Variants in NRXN3 observed in about 807,000 individuals in gnomAD.
NRXN3 encodes the protein neurexin III.
A neutral mutation model predicts 137.6 loss-of-function variants in NRXN3; 32 were observed. The ratio of observed to expected loss-of-function variants is 0.23; its 90% confidence interval spans 0.18 to 0.31. The LOEUF (loss-of-function observed/expected upper bound fraction) is 0.31, where lower values mean the gene tolerates loss of function less well. Ranked by LOEUF, NRXN3 falls within the 10% of genes least tolerant of loss-of-function variation. NRXN3 has a pLI of 1.00. For synonymous variants in NRXN3, 798 were observed against 784.5 expected, an observed-to-expected ratio of 1.02 and a Z score of -0.29; for missense variants, 1,574 against 2,062.5, an observed-to-expected ratio of 0.76 and a Z score of 4.59.
chr14:78,263,605 T>C (rs17827963), intron 2 of NRXN3, among the ~76,000 whole-genome samples: 26,390 of 152,176 alleles, frequency 0.17, 2,614 homozygotes, highest in Middle Eastern at 0.25. Context: ...TACTGAATTA[T>C]TTTTAACAAG....
intron 19 of NRXN3, among the ~76,000 whole-genome samples, chr14:79,792,070 A>G (rs1489872483): frequency 6.6e-6 from 1 of 152,180 alleles, no homozygotes; most frequent in African/African-American, 2.4e-5. Context: ...GGGTTTGAGG[A>G]GACACTTCCT....
chr14:78,327,363 A>G (rs139252388), intron 4 of NRXN3, among the ~76,000 whole-genome samples: 2 of 152,282 alleles, frequency 1.3e-5, no homozygotes, highest in East Asian at 3.9e-4. Context: ...AGCAAACAAC[A>G]TGAACACTGG....
rs181068119 is a variant in NRXN3 at position 79,266,717 on chromosome 14, C to T, written c.3263-200504C>T. Among the ~76,000 whole-genome samples, 523 of 152,250 alleles carry T rather than the reference C, an allele frequency of 3.4e-3. 5 individuals carry two copies. Among genetic ancestry groups the T allele is most frequent in the African/African-American group, 0.012 (503 of 41,540 alleles). On this transcript the variant is annotated intron_variant, in intron 15 of 20. Transcript: ENST00000335750. ...ACTCTGACATCCAAAGGGAAGGGAG[C>T]AACTTCTGAGATTAAGAGACCTTTG...
At chr14:78,806,193 C>T (rs2098867648) in intron 9 of NRXN3, among the ~76,000 whole-genome samples, 1 of 151,888 alleles carries the variant, frequency 6.6e-6, no homozygotes, top group African/African-American at 2.4e-5. Flanking sequence ...TTTTTTTACA[C>T]CAAAGGATAG....
At chr14:79,747,712 T>C (rs1010088176) in intron 19 of NRXN3, among the ~76,000 whole-genome samples, 3 of 152,122 alleles carry the variant, frequency 2.0e-5, no homozygotes, top group Non-Finnish European at 4.4e-5. Flanking sequence ...TTTCTAAAAA[T>C]GAAAAACAAA....
intron 19 of NRXN3, among the ~76,000 whole-genome samples, chr14:79,724,012 C>T (rs1446668233): frequency 6.6e-6 from 1 of 152,102 alleles, no homozygotes; most frequent in East Asian, 1.9e-4. Context: ...AATTTTACTC[C>T]AAGCTAGGTC....
At chr14:79,479,068 T>C (rs2096584008) in intron 16 of NRXN3, among the ~76,000 whole-genome samples, 1 of 152,164 alleles carries the variant, frequency 6.6e-6, no homozygotes, top group African/African-American at 2.4e-5. Context: ...TGGAATCTGA[T>C]TACCCTTATC....
At chr14:79,627,231 C>G (rs1279328549) in intron 16 of NRXN3, among the ~76,000 whole-genome samples, 1 of 152,118 alleles carries the variant, frequency 6.6e-6, no homozygotes, top group Non-Finnish European at 1.5e-5. Context: ...TGGCAAATAT[C>G]CTCTAGATCA....
chr14:78,716,305 C>A (rs2098433684), intron 8 of NRXN3, among the ~76,000 whole-genome samples: 1 of 152,126 alleles, frequency 6.6e-6, no homozygotes, highest in Admixed American at 6.5e-5. Context: ...CAGAATCAAG[C>A]TGAATATCCG....
chr14:78,540,668 C>T (rs1402880012), intron 4 of NRXN3, among the ~76,000 whole-genome samples: 1 of 152,042 alleles, frequency 6.6e-6, no homozygotes, highest in Non-Finnish European at 1.5e-5. Flanking sequence ...TTATGATATT[C>T]ACTGGTTATT....
rs74064170 is a variant in NRXN3 at position 78,658,291 on chromosome 14, C to T, written c.1221+6965C>T. 4.6e-3 allele frequency among the ~76,000 whole-genome samples: 697 copies of T among 152,214 alleles called. 10 individuals carry two copies. The highest frequency in any genetic ancestry group is 0.016 in the African/African-American group (670 of 41,516). On this transcript the variant is annotated intron_variant, in intron 6 of 20. Transcript: ENST00000335750. ...GCTAGTTGCATGGCTTTTAGCAAGC[C>T]GCATGACTGTTCTGAGCCTCGGTTT...
chr14:79,551,279 C>G (rs750124358), intron 16 of NRXN3, among the ~76,000 whole-genome samples: 1 of 152,082 alleles, frequency 6.6e-6, no homozygotes, highest in Non-Finnish European at 1.5e-5. Flanking sequence ...CTGCTCAGAA[C>G]TGGAAACATC....
intron 6 of NRXN3, among the ~76,000 whole-genome samples, chr14:78,688,613 C>T (rs1411056459): frequency 6.6e-6 from 1 of 152,032 alleles, no homozygotes; most frequent in Non-Finnish European, 1.5e-5. Context: ...TGAAAAGGGA[C>T]ATGGTGTCAA....
At chr14:78,525,211 G>C (rs1177030408) in intron 4 of NRXN3, among the ~76,000 whole-genome samples, 1 of 152,162 alleles carries the variant, frequency 6.6e-6, no homozygotes, top group Non-Finnish European at 1.5e-5. Flanking sequence ...AGAGTTTCCA[G>C]CTTTCAAAAT....
intron 15 of NRXN3, among the ~76,000 whole-genome samples, chr14:79,100,207 T>C (rs2051019418): frequency 6.6e-6 from 1 of 152,160 alleles, no homozygotes; most frequent in Non-Finnish European, 1.5e-5. Context: ...TCTGAATCTG[T>C]TTTAGCGACT....
intron 10 of NRXN3, among the ~76,000 whole-genome samples, chr14:78,904,929 G>C (rs1490336225): frequency 6.6e-6 from 1 of 151,804 alleles, no homozygotes; most frequent in African/African-American, 2.4e-5. Context: ...TGGTATTACT[G>C]TAATCATGTT....
At chr14:79,088,641 G>C (rs1568249075) in intron 15 of NRXN3, among the ~76,000 whole-genome samples, 1 of 152,076 alleles carries the variant, frequency 6.6e-6, no homozygotes, top group East Asian at 1.9e-4. Context: ...GATTAGGTTA[G>C]AATATATTCA....
chr14:79,088,003 T>C (rs1020160228), intron 15 of NRXN3, among the ~76,000 whole-genome samples: 2 of 139,996 alleles, frequency 1.4e-5, no homozygotes, highest in Non-Finnish European at 2.9e-5. Flanking sequence ...GTCAGAATGA[T>C]TGGAAATTGC....
chr14:78,484,675 G>A lies in NRXN3; in HGVS notation c.758-160445G>A, dbSNP rs56173300. On this transcript the variant is annotated intron_variant, in intron 4 of 20. Coordinates refer to ENST00000335750, the MANE Select transcript of NRXN3 (RefSeq NM_001330195.2). The stretch of plus-strand genomic sequence containing the variant: ...TGGGGTTTGGGTTTAGGGTCATAAT[G>A]GGAGGTAAAAGGTTTAGCCACAGCT... 6.8e-3 allele frequency among the ~76,000 whole-genome samples: 1,041 copies of A among 152,190 alleles called. 8 individuals are homozygous for A. The highest frequency in any genetic ancestry group is 0.024 in the African/African-American group (999 of 41,520).
Sources: gnomAD v4.1 joint callset for allele counts (sites outside exome capture counted in the v4.1 genomes callset) on GRCh38, gnomAD v4.1.1 for gene constraint, MANE v1.5 for transcripts, NCBI Gene and HGNC (gene_info 2026-07-23, HGNC 2026-07-21) for gene names.